The following NCKAP5 variants were observed in gnomAD, a reference collection of about 807,000 sequenced individuals.
The protein encoded by NCKAP5 is nck-associated protein 5.
A neutral mutation model predicts 167.0 loss-of-function variants in NCKAP5; 92 were observed. The observed-to-expected ratio is 0.55, with a 90% CI of 0.47 to 0.66. NCKAP5 has a LOEUF of 0.66. NCKAP5 is among the 30% of genes least tolerant of loss of function. The pLI is 0.00. For synonymous variants in NCKAP5, 891 were observed against 877.4 expected, an observed-to-expected ratio of 1.02 and a Z score of -0.27; for missense variants, 2,378 against 2,315.0, an observed-to-expected ratio of 1.03 and a Z score of -0.56.
intron 11 of NCKAP5, among the ~76,000 whole-genome samples, chr2:132,812,418 T>A (rs774214315): frequency 9.2e-5 from 14 of 152,186 alleles, no homozygotes; most frequent in Non-Finnish European, 1.5e-4. Flanking sequence ...AACTGTTAAG[T>A]CAAGGATTTG....
chr2:133,423,755 G>A (rs1689624526), intron 3 of NCKAP5, among the ~76,000 whole-genome samples: 1 of 152,082 alleles, frequency 6.6e-6, no homozygotes, highest in African/African-American at 2.4e-5. Flanking sequence ...ATCAGCTCAT[G>A]GAAAATAACT....
chr2:132,896,296 G>A (rs1243279361), intron 8 of NCKAP5, among the ~76,000 whole-genome samples: 1 of 152,204 alleles, frequency 6.6e-6, no homozygotes, highest in Non-Finnish European at 1.5e-5. Flanking sequence ...ACTAAAAGTG[G>A]GTGGATGATG....
At chr2:133,376,904 T>C (rs1428735341) in intron 3 of NCKAP5, among the ~76,000 whole-genome samples, 1 of 152,190 alleles carries the variant, frequency 6.6e-6, no homozygotes, top group Non-Finnish European at 1.5e-5. Flanking sequence ...AAACTTGGAT[T>C]CCTTTTTAGA....
At chr2:132,749,732 A>G (rs986038871) in intron 16 of NCKAP5, among the ~76,000 whole-genome samples, 1 of 152,020 alleles carries the variant, frequency 6.6e-6, no homozygotes, top group African/African-American at 2.4e-5. Context: ...CATATAAGAC[A>G]AAATACATGG....
the NCKAP5 span, among the ~76,000 whole-genome samples, chr2:133,640,456 T>G: frequency 6.6e-6 from 1 of 152,216 alleles, no homozygotes; most frequent in African/African-American, 2.4e-5. Context: ...TCTAGAGGAC[T>G]GAGATGCCTA....
At chr2:133,485,379 C>T (rs567683421) in intron 3 of NCKAP5, among the ~76,000 whole-genome samples, 11 of 152,238 alleles carry the variant, frequency 7.2e-5, no homozygotes, top group African/African-American at 2.6e-4. Context: ...GACTGATTTA[C>T]CCATTAGCAT....
At chr2:133,288,873 A>C (rs574050444) in intron 4 of NCKAP5, among the ~76,000 whole-genome samples, 2 of 152,342 alleles carry the variant, frequency 1.3e-5, no homozygotes, top group East Asian at 3.9e-4. Context: ...TATCTTCATC[A>C]TTCAACCCTT....
chr2:133,090,218 A>G lies in NCKAP5; in HGVS notation c.341+39760T>C, dbSNP rs959645458. Among the ~76,000 whole-genome samples, 124 of 151,974 alleles carry G rather than the reference A, an allele frequency of 8.2e-4. 2 individuals are homozygous for G. The highest frequency in any genetic ancestry group is 3.5e-3 in the South Asian group (17 of 4,808). ...CTTGTCCATACAAGAAAATTAAAAA[A>G]AAAAAAAAAAGAAAAGTCTAACCCC... On this transcript the variant is annotated intron_variant, in intron 6 of 19. Transcript: ENST00000409261.
chr2:133,496,335 T>C (rs2151373418), intron 3 of NCKAP5, among the ~76,000 whole-genome samples: 1 of 152,338 alleles, frequency 6.6e-6, no homozygotes, highest in East Asian at 1.9e-4. Context: ...TTATCCTTTA[T>C]GGTCAGTTCC....
intron 3 of NCKAP5, among the ~76,000 whole-genome samples, chr2:133,345,889 G>A (rs1683942750): frequency 6.6e-6 from 1 of 152,150 alleles, no homozygotes; most frequent in Non-Finnish European, 1.5e-5. Context: ...AGCAGGCACA[G>A]AGATGGAAGA....
At position 132,712,711 on chromosome 2, in the gene NCKAP5, A is replaced by T. The variant is rs144133744; in HGVS notation, c.5713+12916T>A. ...GATTCAATCTCAGCAGTCACAGTCCATTCATTCACCCAGCATTTCAGTAGG... is the reference window on the plus strand; with the variant it reads ...GATTCAATCTCAGCAGTCACAGTCCTTTCATTCACCCAGCATTTCAGTAGG... On this transcript the variant is annotated intron_variant, in intron 19 of 19. Coordinates refer to ENST00000409261, the MANE Select transcript of NCKAP5 (RefSeq NM_207363.3). Among the ~76,000 whole-genome samples, 133 of 152,336 alleles carry T rather than the reference A, an allele frequency of 8.7e-4. No homozygotes were observed. In the East Asian group the frequency reaches 0.015, roughly 17 times the overall value.
intron 3 of NCKAP5, among the ~76,000 whole-genome samples, chr2:133,446,702 G>A (rs1691216118): frequency 6.6e-6 from 1 of 152,150 alleles, no homozygotes; most frequent in Non-Finnish European, 1.5e-5. Flanking sequence ...TAATGAGAAA[G>A]CCAAACTCAA....
chr2:133,543,042 G>A (rs1167588004), intron 2 of NCKAP5, among the ~76,000 whole-genome samples: 1 of 152,180 alleles, frequency 6.6e-6, no homozygotes, highest in Non-Finnish European at 1.5e-5. Flanking sequence ...CAAATCTCAT[G>A]TTGAAATGTG....
chr2:133,059,683 A>G (rs1237710944), intron 6 of NCKAP5, among the ~76,000 whole-genome samples: 1 of 152,070 alleles, frequency 6.6e-6, no homozygotes. Flanking sequence ...CAAAAAAAAA[A>G]AAGAAAGAAA....
chr2:133,665,840 A>G, the NCKAP5 span, among the ~76,000 whole-genome samples: 1 of 152,224 alleles, frequency 6.6e-6, no homozygotes, highest in Non-Finnish European at 1.5e-5. Flanking sequence ...ACTATGTTAA[A>G]TGGTAGTGTA....
Position 132,784,274 on chromosome 2 carries a change from C to T in NCKAP5, c.2537G>A (p.Arg846Gln), listed in dbSNP as rs372521087. The stretch of plus-strand genomic sequence containing the variant: ...CCCTGAGCTCTCAGTCTTCATGAAT[C>T]GTGAGAGTTTCCCAGGAGCTAAGGC... ...SPALAPGKLS[R>Q]FMKTESSGPL... Residue 846 changes from arginine (R) to glutamine (Q), a missense_variant, in exon 14 of 20, where the codon CGA (arginine) becomes CAA (glutamine). By Grantham distance (43) the Arg-to-Gln change is conservative (BLOSUM62 1). Transcript: ENST00000409261. 308 of 1,612,290 alleles carry T rather than the reference C, an allele frequency of 1.9e-4. 1 individual carries two copies. Among genetic ancestry groups the T allele is most frequent in the Non-Finnish European group, 2.4e-4 (278 of 1,179,422 alleles).
chr2:133,178,889 A>G (rs900269140), intron 5 of NCKAP5, among the ~76,000 whole-genome samples: 3 of 151,680 alleles, frequency 2.0e-5, no homozygotes, highest in African/African-American at 4.8e-5. Flanking sequence ...GCAGGGCCTA[A>G]GCATGGTAGC....
chr2:133,001,798 C>T (rs370324583), intron 6 of NCKAP5, among the ~76,000 whole-genome samples: 16 of 152,110 alleles, frequency 1.1e-4, no homozygotes, highest in East Asian at 9.7e-4. Context: ...TTAAGCCCTC[C>T]GTATCTGTGA....
At chr2:133,494,342 GT>G (rs1418485323) in intron 3 of NCKAP5, among the ~76,000 whole-genome samples, 2 of 152,142 alleles carry the variant, frequency 1.3e-5, no homozygotes, top group South Asian at 2.1e-4. Flanking sequence ...AGATATCTCA[GT>G]TTTTTTCTCT....
Sources: allele counts gnomAD v4.1 joint callset (sites outside exome capture counted in the v4.1 genomes callset), GRCh38; gene constraint gnomAD v4.1.1; transcripts MANE v1.5; gene names NCBI Gene and HGNC (gene_info 2026-07-23, HGNC 2026-07-21).